PPP1R12B: variants seen among roughly 807,000 people sequenced by gnomAD.
PPP1R12B encodes myosin phosphatase target subunit 2.
PPP1R12B carries 76 observed loss-of-function variants against 126.1 expected under a neutral mutation model. That is an observed-to-expected ratio of 0.60 (90% CI 0.50 to 0.73). The LOEUF (loss-of-function observed/expected upper bound fraction) is 0.73, where lower values mean the gene tolerates loss of function less well. PPP1R12B is among the 30% of genes least tolerant of loss of function. The pLI is 0.00. For synonymous variants in PPP1R12B, 356 were observed against 434.7 expected (o/e 0.82, Z 2.25); for missense variants, 1,052 against 1,205.1 (o/e 0.87, Z 1.88).
intron 1 of PPP1R12B, among the ~76,000 whole-genome samples, chr1:202,408,177 G>T (rs1485944249): frequency 6.6e-6 from 1 of 152,044 alleles, no homozygotes; most frequent in Non-Finnish European, 1.5e-5. Context: ...TGATTTCTTG[G>T]CCGTCTAGTT....
chr1:202,485,731 C>A (rs530035693), intron 13 of PPP1R12B, among the ~76,000 whole-genome samples: 66 of 152,252 alleles, frequency 4.3e-4, no homozygotes, highest in African/African-American at 1.5e-3. Flanking sequence ...CTAGTGCTCT[C>A]CCGAGTACTT....
chr1:202,546,545 A>G (rs1229420170), intron 18 of PPP1R12B, among the ~76,000 whole-genome samples: 2 of 152,096 alleles, frequency 1.3e-5, no homozygotes, highest in Non-Finnish European at 2.9e-5. Context: ...TCGAGGTTTC[A>G]GTGAGCCATG....
chr1:202,566,400 G>C (rs1292623030), intron 21 of PPP1R12B, among the ~76,000 whole-genome samples: 1 of 152,164 alleles, frequency 6.6e-6, no homozygotes, highest in Non-Finnish European at 1.5e-5. Flanking sequence ...ACCAAAAATG[G>C]AGTTGTTTGG....
At chr1:202,388,294 C>T (rs1301990793) in intron 1 of PPP1R12B, among the ~76,000 whole-genome samples, 2 of 152,212 alleles carry the variant, frequency 1.3e-5, no homozygotes, top group Non-Finnish European at 2.9e-5. Flanking sequence ...AGCGATTCTT[C>T]TGCCTCAGCC....
rs553639353 is a variant in PPP1R12B, at chr1:202,428,725, G to C, written c.847-130G>C. On this transcript the variant is annotated intron_variant, in intron 5 of 23. Coordinates refer to ENST00000608999, the MANE Select transcript of PPP1R12B (RefSeq NM_002481.4). ...GAAGGTGTTATCATAATGTATGGTA[G>C]ATTAGTTTGAAAAGCAGCTATTATT... 91 of 715,508 alleles carry C rather than the reference G, an allele frequency of 1.3e-4. 1 individual carries two copies. In the South Asian group the frequency reaches 1.6e-3, roughly 12 times the overall value. The allele number at this position is 715,508 out of a possible 1,614,324, so 44.3% of individuals were successfully genotyped here.
intron 13 of PPP1R12B, among the ~76,000 whole-genome samples, chr1:202,486,693 G>A (rs1056115801): frequency 3.3e-5 from 5 of 152,164 alleles, no homozygotes; most frequent in Non-Finnish European, 7.4e-5. Context: ...TGTAGTCCCA[G>A]CTACTTGCAA....
chr1:202,400,090 A>G (rs1412784359), intron 1 of PPP1R12B, among the ~76,000 whole-genome samples: 1 of 151,962 alleles, frequency 6.6e-6, no homozygotes, highest in Admixed American at 6.6e-5. Flanking sequence ...TTTAGCTCAC[A>G]CTTATAAGTG....
At chr1:202,402,253 A>C (rs1343423104) in intron 1 of PPP1R12B, among the ~76,000 whole-genome samples, 1 of 152,186 alleles carries the variant, frequency 6.6e-6, no homozygotes, top group Non-Finnish European at 1.5e-5. Flanking sequence ...CTTAGGAATG[A>C]CTTCTCTTAC....
chr1:202,453,851 C>T (rs1228709524), intron 13 of PPP1R12B, among the ~76,000 whole-genome samples: 1 of 151,404 alleles, frequency 6.6e-6, no homozygotes, highest in Non-Finnish European at 1.5e-5. Flanking sequence ...AAACTAATTT[C>T]TGGGCTAACA....
At chr1:202,548,694 G>A (rs948544977) in intron 18 of PPP1R12B, among the ~76,000 whole-genome samples, 2 of 151,470 alleles carry the variant, frequency 1.3e-5, no homozygotes, top group African/African-American at 4.9e-5. Context: ...ATACTCAGAA[G>A]GCTGAGGCAG....
intron 18 of PPP1R12B, among the ~76,000 whole-genome samples, chr1:202,538,452 C>A (rs776317947): frequency 1.2e-4 from 18 of 152,196 alleles, no homozygotes; most frequent in Non-Finnish European, 2.1e-4. Flanking sequence ...AACCTATATT[C>A]CTCAGACCAA....
At chr1:202,574,996 C>G (rs1572560170) in intron 23 of PPP1R12B, 1 of 1,603,996 alleles carries the variant, frequency 6.2e-7, no homozygotes, top group East Asian at 2.2e-5. Flanking sequence ...GTCTCAATCT[C>G]TACAGAACCT....
chr1:202,479,975 A>C (rs1304873596), intron 13 of PPP1R12B, among the ~76,000 whole-genome samples: 2 of 152,216 alleles, frequency 1.3e-5, no homozygotes, highest in Non-Finnish European at 2.9e-5. Flanking sequence ...CACTCACTAC[A>C]TTTTTTTATT....
At chr1:202,420,751 T>C (rs934148756) in intron 2 of PPP1R12B, among the ~76,000 whole-genome samples, 1 of 152,168 alleles carries the variant, frequency 6.6e-6, no homozygotes, top group African/African-American at 2.4e-5. Context: ...GGAGTTCGTT[T>C]TGGAATTGAA....
intron 22 of PPP1R12B, 71 bp downstream of exon 22, chr1:202,567,902 T>C: frequency 6.5e-7 from 1 of 1,549,828 alleles, no homozygotes; most frequent in South Asian, 1.1e-5. Context: ...ACTTTGTTAT[T>C]CATGCCAATG....
chr1:202,415,608 T>A (rs977414530), intron 1 of PPP1R12B, among the ~76,000 whole-genome samples: 6 of 152,178 alleles, frequency 3.9e-5, no homozygotes, highest in African/African-American at 1.4e-4. Context: ...TGTAGCTATG[T>A]CAAGATCTTT....
intron 18 of PPP1R12B, among the ~76,000 whole-genome samples, chr1:202,513,174 A>G (rs1681737696): frequency 6.6e-6 from 1 of 152,164 alleles, no homozygotes; most frequent in African/African-American, 2.4e-5. Flanking sequence ...GTGTTTCACC[A>G]TGTTGGCCAG....
At chr1:202,532,860 CTTTTTTTTTTTTTT>C (rs375983770) in intron 18 of PPP1R12B, among the ~76,000 whole-genome samples, 6 of 93,846 alleles carry the variant, frequency 6.4e-5, no homozygotes, top group East Asian at 6.2e-4. Context: ...ATCACATTCA[CTTTTTTTTTTTTTT>C]TTTTTTTTTT....
chr1:202,370,406 A>G (rs553103478), intron 1 of PPP1R12B, among the ~76,000 whole-genome samples: 146 of 151,932 alleles, frequency 9.6e-4, no homozygotes, highest in African/African-American at 3.4e-3. Flanking sequence ...CATTTGAGTT[A>G]TTTCCTTTTT....
Sources: allele counts gnomAD v4.1 joint callset (sites outside exome capture counted in the v4.1 genomes callset), GRCh38; gene constraint gnomAD v4.1.1; transcripts MANE v1.5; gene names NCBI Gene and HGNC (gene_info 2026-07-23, HGNC 2026-07-21).